The following SPATA21 variants were observed in gnomAD, a reference collection of about 807,000 sequenced individuals.
SPATA21 encodes spermatogenesis-associated protein 21.
A neutral mutation model predicts 54.8 loss-of-function variants in SPATA21; 47 were observed. The observed-to-expected ratio is 0.86, with a 90% confidence interval of 0.68 to 1.09. SPATA21 has a LOEUF of 1.09. Among genes scored for constraint, SPATA21 ranks in the 50% least tolerant of loss-of-function variants. The pLI, the probability that SPATA21 is intolerant of heterozygous loss-of-function variation, is 0.00. For missense variants in SPATA21, 599 were observed against 596.4 expected (o/e 1.00, Z -0.05); for synonymous variants, 245 against 235.3 (o/e 1.04, Z -0.38).
chr1:16,401,003 T>G (rs1487740600), intron 10 of SPATA21, 111 bp from the exon 11 acceptor site: 3 of 1,315,386 alleles, frequency 2.3e-6, no homozygotes, highest in Non-Finnish European at 2.1e-6. Context: ...AGCCTAGGAG[T>G]CAGGAAACCT....
intron 1 of SPATA21, among the ~76,000 whole-genome samples, chr1:16,433,504 C>T (rs1471839535): frequency 6.6e-6 from 1 of 152,242 alleles, no homozygotes; most frequent in Non-Finnish European, 1.5e-5. Context: ...CTTCCTGTCT[C>T]AGGGGTGGAT....
At position 16,428,194 on chromosome 1, in the gene SPATA21, C is replaced by T. The variant is rs940916360; in HGVS notation, c.34+3144G>A. On this transcript the variant is annotated intron_variant, in intron 3 of 12. Coordinates refer to ENST00000335496, the MANE Select transcript of SPATA21 (RefSeq NM_198546.1). This position sits in a 1 kb window ranked among gnomAD's most constrained non-coding sequence, Gnocchi z 4.3. ...GAGCTGAGAGGCAGGGATGCAGGGC[C>T]CGGCCCTGCTGTTGCTGTTGCTTAG... Among the ~76,000 whole-genome samples the T allele has an allele frequency of 6.6e-6, 1 of 152,068 alleles. No individual in the cohort carries two copies. Among genetic ancestry groups the T allele is most frequent in the Non-Finnish European group, 1.5e-5 (1 of 68,018 alleles).
In SPATA21 at chr1:16,409,789, C is replaced by G. The variant is rs764741230; in HGVS notation, c.399G>C (p.Ser133=). The G allele has an allele frequency of 6.2e-7, 1 of 1,602,092 alleles. No individual in the cohort carries two copies. The highest frequency in any genetic ancestry group is 1.3e-5 in the African/African-American group (1 of 74,716). The stretch of plus-strand genomic sequence containing the variant: ...CCCACGATGGGCCGCTGGCAGGGAC[C>G]GAGGCAGGGGTCTGAGGCAGGCTTG... ...SAPSLPQTPA[S]VPASGPSWAR... The change falls in exon 6 of 13, where the codon TCG becomes TCC. Residue 133 remains serine (S), a synonymous_variant. Transcript: ENST00000335496. The surrounding 1 kb of genome is among the most constrained non-coding windows in gnomAD (Gnocchi z 4.1).
intron 5 of SPATA21, chr1:16,410,883 A>T: frequency 2.9e-6 from 1 of 339,608 alleles, no homozygotes; most frequent in South Asian, 2.3e-5. Context: ...TGGTCCCACC[A>T]CTTGGCTTTG....
chr1:16,400,771 G>A lies in SPATA21; in HGVS notation c.1123C>T (p.Pro375Ser). ...AGGATACTGAGGACCTTTCGTTCTG[G>A]AACTTCTGAGCTCTCTTCTTGCTGG... ...NPQQEESSEVPERKVLSILSR... is the reference protein window; with the variant it reads ...NPQQEESSEVSERKVLSILSR... Residue 375 changes from proline to serine, a missense_variant, in exon 11 of 13, where the codon CCA becomes TCA. Coordinates refer to ENST00000335496, the MANE Select transcript of SPATA21 (RefSeq NM_198546.1). 1 of 1,614,138 alleles carries A rather than the reference G, an allele frequency of 6.2e-7. No homozygotes were observed. Among genetic ancestry groups the A allele is most frequent in the Non-Finnish European group, 8.5e-7 (1 of 1,180,014 alleles).
rs796909737 is a variant in SPATA21 at position 16,411,811 on chromosome 1, A to AG, written c.145-1769_145-1768insC. Among the ~76,000 whole-genome samples the AG allele has an allele frequency of 1.0e-4, 14 of 135,986 alleles. 2 individuals are homozygous for AG. The highest frequency in any genetic ancestry group is 2.2e-4 in the East Asian group (1 of 4,648). The allele number at this position is 135,986 out of a possible 152,430, so 89.2% of individuals were successfully genotyped here. ...TCTCAAAAAAAAAAAAAAAAAAACA[A>AG]AACAAAACAAAGTCTCCTGATACCA... On this transcript the variant is annotated intron_variant, in intron 5 of 12. Transcript: ENST00000335496.
intron 10 of SPATA21, among the ~76,000 whole-genome samples, chr1:16,402,347 C>T (rs771371387): frequency 3.9e-4 from 57 of 145,676 alleles, no homozygotes; most frequent in Admixed American, 3.8e-3. Context: ...CTGCAACCTC[C>T]GCCTCCTGGG....
At chr1:16,400,972 C>A in intron 10 of SPATA21, 80 bp from the exon 11 acceptor site, 1 of 1,509,840 alleles carries the variant, frequency 6.6e-7, no homozygotes, top group African/African-American at 1.4e-5. Context: ...TCTCTCTGGC[C>A]AGCTCTGGAG....
chr1:16,404,268 G>A (rs1358250340), intron 8 of SPATA21, among the ~76,000 whole-genome samples: 4 of 152,096 alleles, frequency 2.6e-5, no homozygotes, highest in African/African-American at 9.7e-5. Context: ...TCAGGAGTTC[G>A]AGACCTACAT....
intron 5 of SPATA21, among the ~76,000 whole-genome samples, chr1:16,419,097 T>C (rs1227082521): frequency 6.6e-6 from 1 of 152,074 alleles, no homozygotes; most frequent in Non-Finnish European, 1.5e-5. Context: ...AACAGGACAA[T>C]GTGATAGGCT....
rs58456406 is a variant in SPATA21 at position 16,400,414 on chromosome 1, A to G, written c.1174+306T>C. The stretch of plus-strand genomic sequence containing the variant: ...AAGGGCCTAGCACAGTGGGCACTCA[A>G]TAAACAGTGAGCTGGGATTGCTAAT... On this transcript the variant is annotated intron_variant, in intron 11 of 12. Coordinates refer to ENST00000335496, the MANE Select transcript of SPATA21 (RefSeq NM_198546.1). 6.5e-6 allele frequency: 7 copies of G among 1,083,958 alleles called. No individual in the cohort carries two copies. In the Admixed American group the frequency reaches 1.4e-4, roughly 22 times the overall value. 67.1% of individuals were successfully genotyped at this position (1,083,958 alleles called of 1,614,324 possible).
At position 16,409,011 on chromosome 1, in the gene SPATA21, G is replaced by C. The variant is rs563051842; in HGVS notation, c.673+107C>G. 514 of 1,176,054 alleles carry C rather than the reference G, an allele frequency of 4.4e-4. 8 individuals carry two copies. In the South Asian group the frequency reaches 6.1e-3, roughly 14 times the overall value. 72.9% of individuals were successfully genotyped at this position (1,176,054 alleles called of 1,614,324 possible). On this transcript the variant is annotated intron_variant, in intron 7 of 12. Transcript: ENST00000335496. This position sits in a 1 kb window ranked among gnomAD's most constrained non-coding sequence, Gnocchi z 4.1. ...CCCTGCTGGGTCTGCTACACATGGC[G>C]GCAGCCATGTGATCTGGAAAGCACC... is the stretch of plus-strand genomic sequence containing the variant.
intron 5 of SPATA21, among the ~76,000 whole-genome samples, chr1:16,420,808 G>A (rs1261980802): frequency 6.6e-6 from 1 of 151,810 alleles, no homozygotes; most frequent in Admixed American, 6.6e-5. Context: ...GGGGGATGCT[G>A]TTGTGAAATG....
intron 3 of SPATA21, among the ~76,000 whole-genome samples, chr1:16,427,300 T>A (rs1443554687): frequency 1.3e-5 from 2 of 152,110 alleles, no homozygotes; most frequent in South Asian, 4.1e-4. Context: ...CTAACTTTTC[T>A]TGTAGAGGAG....
rs2086372341 is a variant in SPATA21, at chr1:16,428,284, G to C, written c.34+3054C>G. Reference sequence around the variant, plus strand: ...CCCGAGACAAGGGGATTGCCTTAAGGACAGCTTGAAAGAGCACCCTGGGGG... The same window carrying C: ...CCCGAGACAAGGGGATTGCCTTAAGCACAGCTTGAAAGAGCACCCTGGGGG... On this transcript the variant is annotated intron_variant, in intron 3 of 12. Coordinates refer to ENST00000335496, the MANE Select transcript of SPATA21 (RefSeq NM_198546.1). This position sits in a 1 kb window ranked among gnomAD's most constrained non-coding sequence, Gnocchi z 4.3. Among the ~76,000 whole-genome samples, 2 of 152,176 alleles carry C rather than the reference G, an allele frequency of 1.3e-5. No homozygotes were observed. Among genetic ancestry groups the C allele is most frequent in the African/African-American group, 4.8e-5 (2 of 41,454 alleles).
At chr1:16,398,925 G>T (rs2085359515) in intron 12 of SPATA21, 103 bp from the exon 13 acceptor site, 6 of 1,213,512 alleles carry the variant, frequency 4.9e-6, no homozygotes, top group Non-Finnish European at 6.9e-6. Flanking sequence ...GAGAGAGGAG[G>T]CCTCCCCTCA....
intron 12 of SPATA21, among the ~76,000 whole-genome samples, 200 bp from the exon 13 acceptor site, chr1:16,399,022 A>G (rs908767836): frequency 6.6e-6 from 1 of 152,160 alleles, no homozygotes; most frequent in Admixed American, 6.5e-5. Flanking sequence ...GGACTGCTGC[A>G]GGAGACGTTC....
intron 5 of SPATA21, 97 bp from the exon 6 acceptor site, chr1:16,410,140 C>T (rs1347805931): frequency 3.4e-5 from 35 of 1,015,350 alleles, no homozygotes; most frequent in Non-Finnish European, 4.7e-5. Context: ...CCTCAGACTG[C>T]CCCTTACTCT....
rs954025983 is a variant in SPATA21 at position 16,425,402 on chromosome 1, C to A, written c.35-3431G>T. On this transcript the variant is annotated intron_variant, in intron 3 of 12. Coordinates refer to ENST00000335496, the MANE Select transcript of SPATA21 (RefSeq NM_198546.1). ...CTCAAGGGATCACCCCTGCCTCAGC[C>A]TCCCAAGTAGCTGGGACTACAGATA... 1.2e-5 allele frequency: 14 copies of A among 1,148,058 alleles called. No homozygotes were observed. The African/African-American group carries it at 2.1e-4, about 18-fold the overall frequency. The allele number at this position is 1,148,058 out of a possible 1,614,324, so 71.1% of individuals were successfully genotyped here. A position where few individuals can be genotyped will look rare whatever the true frequency, so the allele number is the denominator to read the frequency against.
Sources: allele counts gnomAD v4.1 joint callset (sites outside exome capture counted in the v4.1 genomes callset), GRCh38; gene constraint gnomAD v4.1.1; non-coding constraint Gnocchi (gnomAD v3.1); transcripts MANE v1.5; gene names NCBI Gene and HGNC (gene_info 2026-07-23, HGNC 2026-07-21).